The following CHRNB4 variants were observed in gnomAD, a reference collection of about 807,000 sequenced individuals.
The protein encoded by CHRNB4 is cholinergic receptor nicotinic beta 4 subunit, also known as neuronal acetylcholine receptor subunit beta-4.
CHRNB4 carries 23 observed loss-of-function variants against 40.4 expected under a neutral mutation model. That is an observed-to-expected ratio of 0.57 (90% CI 0.41 to 0.81). The LOEUF (loss-of-function observed/expected upper bound fraction) is 0.81, where lower values mean the gene tolerates loss of function less well. Ranked by LOEUF, CHRNB4 falls within the 30% of genes least tolerant of loss-of-function variation. The pLI is 0.00. For missense variants in CHRNB4, 568 were observed against 670.6 expected, an observed-to-expected ratio of 0.85 and a Z score of 1.69; for synonymous variants, 285 against 274.4, an observed-to-expected ratio of 1.04 and a Z score of -0.38.
rs2141399399 is a variant in CHRNB4, at chr15:78,641,006, C to T, written c.55+73G>A. 2.0e-6 allele frequency: 3 copies of T among 1,485,286 alleles called. No homozygotes were observed. The East Asian group carries it at 7.7e-5, about 38-fold the overall frequency. The allele number at this position is 1,485,286 out of a possible 1,614,324, so 92.0% of individuals were successfully genotyped here. A position where few individuals can be genotyped will look rare whatever the true frequency, so the allele number is the denominator to read the frequency against. On this transcript the variant is annotated intron_variant, in intron 1 of 5. Coordinates refer to ENST00000261751, the MANE Select transcript of CHRNB4 (RefSeq NM_000750.5). ...GGGCGCAGGGCACCCTCCCTTCCCT[C>T]CCACCTGTGGCCAGTCCAGCCCCTT... is the stretch of plus-strand genomic sequence containing the variant.
intron 1 of CHRNB4, among the ~76,000 whole-genome samples, chr15:78,636,625 T>C (rs1359879422): frequency 1.3e-5 from 2 of 151,638 alleles, no homozygotes; most frequent in Non-Finnish European, 2.9e-5. Flanking sequence ...TTTTTTTTTT[T>C]AGAGACAGGG....
chr15:78,660,321 T>G (rs2054241750), intron 1 of CHRNB4, among the ~76,000 whole-genome samples: 2 of 152,238 alleles, frequency 1.3e-5, no homozygotes, highest in African/African-American at 4.8e-5. Flanking sequence ...CCTCTGCTGT[T>G]GCAGTACACT....
intron 2 of CHRNB4, among the ~76,000 whole-genome samples, chr15:78,632,155 T>C (rs2053826798): frequency 7.2e-6 from 1 of 139,532 alleles, no homozygotes; most frequent in African/African-American, 2.6e-5. Flanking sequence ...CTTTCTGTCT[T>C]TCTTTTCTTT....
chr15:78,647,737 G>C (rs1489049530), intron 7 of CHRNB4, among the ~76,000 whole-genome samples: 1 of 149,244 alleles, frequency 6.7e-6, no homozygotes, highest in Admixed American at 6.7e-5. Context: ...GCAGGCACCT[G>C]TAGTCCCAGC....
chr15:78,643,293 A>C (rs971026977), upstream of CHRNB4, among the ~76,000 whole-genome samples: 9 of 152,074 alleles, frequency 5.9e-5, no homozygotes, highest in African/African-American at 1.9e-4. Context: ...ACTGTTGCCC[A>C]GGCCTGAGTG....
intron 5 of CHRNB4, among the ~76,000 whole-genome samples, chr15:78,654,064 C>T (rs1355014994): frequency 6.6e-6 from 1 of 152,150 alleles, no homozygotes; most frequent in Non-Finnish European, 1.5e-5. Context: ...TTCCAATTCC[C>T]CCTTTCACTT....
intron 6 of CHRNB4, among the ~76,000 whole-genome samples, chr15:78,651,788 C>A (rs554442658): frequency 6.6e-6 from 1 of 152,204 alleles, no homozygotes; most frequent in Non-Finnish European, 1.5e-5. Flanking sequence ...AGGATGCCCC[C>A]ACCCTGGGTA....
At chr15:78,637,321 C>T (rs1376200084) in intron 1 of CHRNB4, among the ~76,000 whole-genome samples, 1 of 152,064 alleles carries the variant, frequency 6.6e-6, no homozygotes, top group Non-Finnish European at 1.5e-5. Flanking sequence ...CTAGTGTCTT[C>T]AGGGAGAATG....
upstream of CHRNB4, among the ~76,000 whole-genome samples, chr15:78,643,672 GA>G (rs1320384800): frequency 3.9e-5 from 6 of 152,030 alleles, no homozygotes; most frequent in African/African-American, 1.4e-4. Flanking sequence ...AAATTGGAAA[GA>G]AAAAACTACC....
At chr15:78,647,940 C>A (rs2054140236) in intron 7 of CHRNB4, among the ~76,000 whole-genome samples, 1 of 146,236 alleles carries the variant, frequency 6.8e-6, no homozygotes, top group Non-Finnish European at 1.5e-5. Flanking sequence ...GCAAAATATA[C>A]ATAAGGCCTT....
chr15:78,636,218 T>A (rs1287987000), intron 1 of CHRNB4, among the ~76,000 whole-genome samples: 2 of 152,100 alleles, frequency 1.3e-5, no homozygotes, highest in African/African-American at 4.8e-5. Context: ...TAGTCCTATC[T>A]TTTACCTTCC....
Position 78,628,981 on chromosome 15 carries a change from C to T in CHRNB4, c.1324G>A (p.Asp442Asn), listed in dbSNP as rs149368395. ...SFIAQHMKND[D>N]EDQSVVEDWK... is the part of the protein sequence containing the mutation. ...TAGCAACTTACACTCTGGTCTTCAT[C>T]GTCATTCTTCATGTGCTGGGCGATG... Residue 442 changes from aspartate to asparagine, a missense_variant, in exon 5 of 6, where the codon GAT (aspartate) becomes AAT (asparagine). Transcript: ENST00000261751. 1.0e-3 allele frequency: 1,631 copies of T among 1,612,370 alleles called. 19 individuals carry two copies. Among genetic ancestry groups the T allele is most frequent in the African/African-American group, 1.2e-4 (9 of 75,014 alleles).
Position 78,629,119 on chromosome 15 carries a change from C to T in CHRNB4, c.1186G>A (p.Ala396Thr). 6.2e-7 allele frequency: 1 copy of T among 1,614,178 alleles called. No homozygotes were observed. Among genetic ancestry groups the T allele is most frequent in the East Asian group, 2.2e-5 (1 of 44,878 alleles). The change falls in exon 5 of 6, where the codon GCT (alanine) becomes ACT (threonine). Residue 396 changes from alanine to threonine, a missense_variant. Physicochemically the swap from Ala to Thr is moderately conservative, Grantham distance 58. Coordinates refer to ENST00000261751, the MANE Select transcript of CHRNB4 (RefSeq NM_000750.5). This position sits in a 1 kb window ranked among gnomAD's most constrained non-coding sequence, Gnocchi z 6.8. ...GTAGAGCCGGCTGGAGACTTGGAAG[C>T]TGCAGAGGCGGGGTTCACAAAGTAC... Reference protein sequence around the residue: ...SMYFVNPASAASKSPAGSTPV... With the variant: ...SMYFVNPASATSKSPAGSTPV...
At chr15:78,644,631 C>A (rs2054108510), upstream of CHRNB4, among the ~76,000 whole-genome samples, 2 of 152,082 alleles carry the variant, frequency 1.3e-5, no homozygotes, top group African/African-American at 4.8e-5. Flanking sequence ...AGGCCTAAGA[C>A]AAATACAAAA....
intron 5 of CHRNB4, chr15:78,626,341 G>GGGGTGTGTGTGTGTGTGTGTGT (rs1163704271): frequency 1.3e-5 from 1 of 74,352 alleles, no homozygotes; most frequent in African/African-American, 5.2e-5. Flanking sequence ...TTCAAGCGGG[G>GGGGTGTGTGTGTGTGTGTGTGT]GTGTGTGTGT....
chr15:78,660,093 G>C (rs1423187589), intron 1 of CHRNB4, among the ~76,000 whole-genome samples: 2 of 152,016 alleles, frequency 1.3e-5, no homozygotes, highest in African/African-American at 4.8e-5. Context: ...TGTAATCCCA[G>C]CTACTCAGGA....
intron 2 of CHRNB4, among the ~76,000 whole-genome samples, chr15:78,634,410 C>T (rs1411799531): frequency 3.9e-5 from 6 of 152,260 alleles, no homozygotes; most frequent in African/African-American, 1.4e-4. Context: ...TGGCTGAAAG[C>T]CCTCCTTCCT....
At chr15:78,634,655 T>A in intron 2 of CHRNB4, 1 of 453,610 alleles carries the variant, frequency 2.2e-6, no homozygotes, top group South Asian at 1.6e-5. Context: ...CTTGGTGGTC[T>A]CTTTCCCCTG....
chr15:78,634,698 G>C (rs988089162), intron 2 of CHRNB4: 1 of 455,912 alleles, frequency 2.2e-6, no homozygotes. Flanking sequence ...CTCCCCTTGT[G>C]AATGTTCCCC....
Sources: gnomAD v4.1 joint callset for allele counts (sites outside exome capture counted in the v4.1 genomes callset) on GRCh38, gnomAD v4.1.1 for gene constraint, Gnocchi (gnomAD v3.1) non-coding constraint, MANE v1.5 for transcripts, NCBI Gene and HGNC (gene_info 2026-07-23, HGNC 2026-07-21) for gene names.